GPR139: variants seen among roughly 807,000 people sequenced by gnomAD.
GPR139 encodes the protein probable G protein-coupled receptor 139.
GPR139 carries 12 observed loss-of-function variants against 25.8 expected under a neutral mutation model. That is an observed-to-expected ratio of 0.47 (90% CI 0.30 to 0.75). The LOEUF (loss-of-function observed/expected upper bound fraction) is 0.75, where lower values mean the gene tolerates loss of function less well. Ranked by LOEUF, GPR139 falls within the 30% of genes least tolerant of loss-of-function variation. GPR139 has a pLI of 0.07. For missense variants in GPR139, 380 were observed against 450.2 expected (o/e 0.84, Z 1.41); for synonymous variants, 184 against 179.9 (o/e 1.02, Z -0.18).
chr16:20,046,787 G>C (rs2057355795), intron 1 of GPR139, among the ~76,000 whole-genome samples: 1 of 152,138 alleles, frequency 6.6e-6, no homozygotes, highest in African/African-American at 2.4e-5. Context: ...AGAAAAAAAT[G>C]GCCAGGCTCA....
At chr16:20,036,049 G>C (rs987926206) in intron 1 of GPR139, among the ~76,000 whole-genome samples, 10 of 152,216 alleles carry the variant, frequency 6.6e-5, no homozygotes, top group African/African-American at 2.4e-4. Context: ...TCAGAGAGTA[G>C]AGAAACATCA....
intron 1 of GPR139, among the ~76,000 whole-genome samples, chr16:20,067,673 G>T (rs146496419): frequency 6.6e-6 from 1 of 151,814 alleles, no homozygotes; most frequent in Non-Finnish European, 1.5e-5. Context: ...GCATGGTGGC[G>T]CATGCCTGTA....
At position 20,043,832 on chromosome 16, in the gene GPR139, A is replaced by G. The variant is rs1197689205; in HGVS notation, c.128-11163T>C. ...AGGGCTTTACAAGAACAAGTCCTGA[A>G]CATGCAGGTGGCTCTCCAGCAAACA... On this transcript the variant is annotated intron_variant, in intron 1 of 1. Coordinates refer to ENST00000570682, the MANE Select transcript of GPR139 (RefSeq NM_001002911.4). 3.3e-5 allele frequency among the ~76,000 whole-genome samples: 5 copies of G among 152,334 alleles called. No individual in the cohort carries two copies. The East Asian group carries it at 9.7e-4, about 29-fold the overall frequency.
intron 1 of GPR139, among the ~76,000 whole-genome samples, chr16:20,052,928 C>A (rs1199925701): frequency 6.6e-6 from 1 of 151,908 alleles, no homozygotes; most frequent in Non-Finnish European, 1.5e-5. Flanking sequence ...ATAAATGGTG[C>A]GTCACGGTGG....
intron 1 of GPR139, chr16:20,070,866 G>A (rs1233556565): frequency 1.5e-5 from 12 of 774,762 alleles, no homozygotes; most frequent in Non-Finnish European, 1.9e-5. Flanking sequence ...GGCTGGGGAA[G>A]GGAGGTGATG....
intron 1 of GPR139, among the ~76,000 whole-genome samples, chr16:20,065,663 G>A (rs1231018998): frequency 3.0e-4 from 46 of 152,122 alleles, no homozygotes; most frequent in Admixed American, 3.0e-3. Flanking sequence ...TTGAGGCCAG[G>A]AGTTTGCGAA....
rs763829665 is a variant in GPR139 at position 20,031,519 on chromosome 16, C to T, written c.*216G>A. 21 of 569,392 alleles carry T rather than the reference C, an allele frequency of 3.7e-5. No individual in the cohort carries two copies. The highest frequency in any genetic ancestry group is 2.1e-4 in the Admixed American group (7 of 32,804). 35.3% of individuals were successfully genotyped at this position (569,392 alleles called of 1,614,324 possible). On this transcript the variant is annotated 3_prime_UTR_variant, in exon 2 of 2. Transcript: ENST00000570682. ...CTGGTAGGAGCTTTTGCTGTCATTA[C>T]GACTCTGTGGAAATAAATGCATAAG...
At chr16:20,069,038 G>T (rs2057448706) in intron 1 of GPR139, among the ~76,000 whole-genome samples, 1 of 151,990 alleles carries the variant, frequency 6.6e-6, no homozygotes, top group Admixed American at 6.6e-5. Flanking sequence ...TTTTGTTGAT[G>T]ATTTTTGTGT....
chr16:20,052,998 T>C (rs1336163796), intron 1 of GPR139, among the ~76,000 whole-genome samples: 1 of 152,064 alleles, frequency 6.6e-6, no homozygotes, highest in Non-Finnish European at 1.5e-5. Context: ...TAGCTATTTT[T>C]CCCAAAGCTC....
At chr16:20,072,310 C>A (rs2057462526) in intron 1 of GPR139, among the ~76,000 whole-genome samples, 1 of 152,106 alleles carries the variant, frequency 6.6e-6, no homozygotes. Context: ...TCATCAGGGG[C>A]CCTGACTGCC....
chr16:20,039,458 G>C (rs940088635), intron 1 of GPR139, among the ~76,000 whole-genome samples: 2 of 152,110 alleles, frequency 1.3e-5, no homozygotes, highest in Admixed American at 1.3e-4. Flanking sequence ...AATTACAAAA[G>C]TAATACACAC....
rs140826578 is a variant in GPR139 at position 20,030,750 on chromosome 16, C to T, written c.*985G>A. Reference sequence around the variant, plus strand: ...ATACCCGCAGAGCTGCAGTTCCTGACCCTTGAATATTAAATTCAGTTCGGA... The same window carrying T: ...ATACCCGCAGAGCTGCAGTTCCTGATCCTTGAATATTAAATTCAGTTCGGA... On this transcript the variant is annotated 3_prime_UTR_variant, in exon 2 of 2. Coordinates refer to ENST00000570682, the MANE Select transcript of GPR139 (RefSeq NM_001002911.4). 3.5e-4 allele frequency among the ~76,000 whole-genome samples: 53 copies of T among 152,296 alleles called. No homozygotes were observed. The highest frequency in any genetic ancestry group is 6.5e-4 in the Admixed American group (10 of 15,308).
chr16:20,036,166 A>G (rs1455241610), intron 1 of GPR139, among the ~76,000 whole-genome samples: 2 of 152,180 alleles, frequency 1.3e-5, no homozygotes, highest in African/African-American at 4.8e-5. Flanking sequence ...GCCCTGATTA[A>G]AGGCTTGGTT....
At position 20,039,769 on chromosome 16, in the gene GPR139, G is replaced by A. The variant is rs116876177; in HGVS notation, c.128-7100C>T. The stretch of plus-strand genomic sequence containing the variant: ...TTAATGACTACATTAGAAATTAGAA[G>A]GGGAAAGTCTGTCAAAACCCCGTCT... On this transcript the variant is annotated intron_variant, in intron 1 of 1. Coordinates refer to ENST00000570682, the MANE Select transcript of GPR139 (RefSeq NM_001002911.4). Among the ~76,000 whole-genome samples the A allele has an allele frequency of 5.7e-3, 874 of 152,246 alleles. 19 individuals carry two copies. Among genetic ancestry groups the A allele is most frequent in the Admixed American group, 0.047 (722 of 15,296 alleles).
chr16:20,069,201 G>T (rs1034771567), intron 1 of GPR139, among the ~76,000 whole-genome samples: 1 of 148,790 alleles, frequency 6.7e-6, no homozygotes, highest in Non-Finnish European at 1.5e-5. Flanking sequence ...CATATTCCAG[G>T]CATTGTGCTC....
chr16:20,061,227 GTGGATGGATGGATGGA>G (rs57097613), intron 1 of GPR139, among the ~76,000 whole-genome samples: 5 of 77,852 alleles, frequency 6.4e-5, no homozygotes, highest in East Asian at 7.6e-4. Context: ...GGATGGATGT[GTGGATGGATGGATGGA>G]TGGATGGATG....
chr16:20,061,079 GT>G (rs2057411459), intron 1 of GPR139, among the ~76,000 whole-genome samples: 3 of 150,742 alleles, frequency 2.0e-5, no homozygotes, highest in Non-Finnish European at 4.4e-5. Context: ...GTGTGTGTGT[GT>G]GTGTTGTGTG....
Position 20,052,788 on chromosome 16 carries a change from C to CA in GPR139, c.128-20120dup, listed in dbSNP as rs56189908. Among the ~76,000 whole-genome samples, 1,012 of 121,888 alleles carry CA rather than the reference C, an allele frequency of 8.3e-3. 4 individuals are homozygous for CA. Among genetic ancestry groups the CA allele is most frequent in the South Asian group, 0.02 (83 of 4,108 alleles). The allele number at this position is 121,888 out of a possible 152,430, so 80.0% of individuals were successfully genotyped here. A position where few individuals can be genotyped will look rare whatever the true frequency, so the allele number is the denominator to read the frequency against. On this transcript the variant is annotated intron_variant, in intron 1 of 1. Coordinates refer to ENST00000570682, the MANE Select transcript of GPR139 (RefSeq NM_001002911.4). ...TGGGTGACAGAGCAAGACTCCATCT[C>CA]AAAAAAAAAAAAAAAAGCTTCCATT...
chr16:20,035,887 G>GT lies in GPR139; in HGVS notation c.128-3219dup, dbSNP rs558229561. 3.4e-3 allele frequency among the ~76,000 whole-genome samples: 513 copies of GT among 152,342 alleles called. 2 individuals carry two copies. Among genetic ancestry groups the GT allele is most frequent in the African/African-American group, 0.012 (492 of 41,578 alleles). On this transcript the variant is annotated intron_variant, in intron 1 of 1. Coordinates refer to ENST00000570682, the MANE Select transcript of GPR139 (RefSeq NM_001002911.4). Reference sequence around the variant, plus strand: ...CTCTCTTTTATTAAACAGCCTTGCTGTGTTCTGTTGAAAAGCATTTCAAAA... The same window carrying GT: ...CTCTCTTTTATTAAACAGCCTTGCTGTTGTTCTGTTGAAAAGCATTTCAAAA...
Sources: allele counts gnomAD v4.1 joint callset (sites outside exome capture counted in the v4.1 genomes callset), GRCh38; gene constraint gnomAD v4.1.1; transcripts MANE v1.5; gene names NCBI Gene and HGNC (gene_info 2026-07-23, HGNC 2026-07-21).